The following MUC20 variants were observed in gnomAD, a reference collection of about 807,000 sequenced individuals.
MUC20 encodes mucin 20, cell surface associated, also known as mucin-20.
A neutral mutation model predicts 23.8 loss-of-function variants in MUC20; 14 were observed. The observed-to-expected ratio is 0.59, with a 90% confidence interval of 0.39 to 0.92. The LOEUF is 0.92. Ranked by LOEUF, MUC20 falls within the 40% of genes least tolerant of loss-of-function variation. The pLI, the probability that MUC20 is intolerant of heterozygous loss-of-function variation, is 0.00. For synonymous variants in MUC20, 166 were observed against 279.3 expected, an observed-to-expected ratio of 0.59 and a Z score of 4.04; for missense variants, 375 against 668.8, an observed-to-expected ratio of 0.56 and a Z score of 4.85.
At position 195,725,781 on chromosome 3, in the gene MUC20, A is replaced by C. The variant is rs550683791; in HGVS notation, c.1178A>C (p.His393Pro). 3 of 1,532,416 alleles carry C rather than the reference A, an allele frequency of 2.0e-6. No individual in the cohort carries two copies. The highest frequency in any genetic ancestry group is 2.3e-5 in the East Asian group (1 of 43,194). The allele number at this position is 1,532,416 out of a possible 1,614,324, so 94.9% of individuals were successfully genotyped here. The change falls in exon 2 of 4, where the codon CAT becomes CCT. Residue 393 changes from histidine to proline, a missense_variant. His to Pro is a moderately conservative substitution (Grantham distance 77). Coordinates refer to ENST00000447234, the MANE Select transcript of MUC20 (RefSeq NM_001282506.2). ...SESSASSDGPHPVITPSWSPG... is the reference protein window; with the variant it reads ...SESSASSDGPPPVITPSWSPG... The stretch of plus-strand genomic sequence containing the variant: ...AGCAGCGCCTCTTCCGACGGCCCCC[A>C]TCCAGTCATCACCCCCTCATGGTCC...
intron 3 of MUC20, chr3:195,729,962 T>A: frequency 1.7e-6 from 1 of 581,772 alleles, no homozygotes; most frequent in South Asian, 2.2e-5. Context: ...AACATGTGAC[T>A]CCTAGAGCCC....
intron 2 of MUC20, among the ~76,000 whole-genome samples, chr3:195,727,612 T>C (rs1195305186): frequency 6.6e-6 from 1 of 152,280 alleles, no homozygotes; most frequent in African/African-American, 2.4e-5. Flanking sequence ...AATACAAATA[T>C]TAATCACAAC....
At chr3:195,731,855 G>C (rs973170779) in intron 3 of MUC20, among the ~76,000 whole-genome samples, 3 of 152,268 alleles carry the variant, frequency 2.0e-5, no homozygotes, top group Non-Finnish European at 2.9e-5. Context: ...CCACTGTGAG[G>C]AGTTCCCTAA....
In MUC20 at chr3:195,726,425, C is replaced by T. The variant is rs3204353; in HGVS notation, c.1822C>T (p.Pro608Ser). 2 of 1,614,052 alleles carry T rather than the reference C, an allele frequency of 1.2e-6. No homozygotes were observed. Among genetic ancestry groups the T allele is most frequent in the Non-Finnish European group, 1.7e-6 (2 of 1,179,894 alleles). ...GPFPTSRDPLPSVPPTTTNSS... is the reference protein window; with the variant it reads ...GPFPTSRDPLSSVPPTTTNSS... ...CTTCCCCACCAGCAGGGACCCTCTTCCTTCTGTCCCTCCGACTACAACCAA... is the reference window on the plus strand; with the variant it reads ...CTTCCCCACCAGCAGGGACCCTCTTTCTTCTGTCCCTCCGACTACAACCAA... Residue 608 changes from proline (P) to serine (S), a missense_variant, in exon 2 of 4, where the codon CCT becomes TCT. Pro to Ser is a moderately conservative substitution (Grantham distance 74, BLOSUM62 -1). Transcript: ENST00000447234.
In MUC20 at chr3:195,729,727, G is replaced by T; in HGVS notation, c.2049G>T (p.Arg683Ser). The T allele has an allele frequency of 6.3e-7, 1 of 1,596,404 alleles. No homozygotes were observed. Among genetic ancestry groups the T allele is most frequent in the East Asian group, 2.3e-5 (1 of 44,258 alleles). The change falls in exon 3 of 4, where the codon AGG becomes AGT. Residue 683 changes from arginine to serine, a missense_variant. By Grantham distance (110) the Arg-to-Ser change is moderately radical. Around this residue, in one of 4 missense-constraint regions of MUC20, gnomAD observed 343 missense variants for 340.2 expected, o/e 1.01. Transcript: ENST00000447234. ...EDLTDPRVAE[R>S]LMQQLHRELH... ...TCACTGACCCCAGAGTGGCAGAAAG[G>T]CTGATGCAGCAGGTGAGTGGGCACT... is the stretch of plus-strand genomic sequence containing the variant.
At chr3:195,727,460 G>A (rs1355556142) in intron 2 of MUC20, among the ~76,000 whole-genome samples, 1 of 152,284 alleles carries the variant, frequency 6.6e-6, no homozygotes, top group Non-Finnish European at 1.5e-5. Flanking sequence ...ACTTCTCAGG[G>A]GAGAAGTTCA....
chr3:195,732,270 A>T (rs907388645), intron 3 of MUC20, among the ~76,000 whole-genome samples: 4 of 152,178 alleles, frequency 2.6e-5, no homozygotes, highest in Non-Finnish European at 5.9e-5. Context: ...CAGCCTCCCA[A>T]AGTGCTGGGA....
At position 195,722,223 on chromosome 3, in the gene MUC20, C is replaced by G. The variant is rs7641203; in HGVS notation, c.76+1140C>G. 1.0e-3 allele frequency: 816 copies of G among 789,128 alleles called. No individual in the cohort carries two copies. In the East Asian group the frequency reaches 0.031, roughly 30 times the overall value. The allele number at this position is 789,128 out of a possible 1,614,324, so 48.9% of individuals were successfully genotyped here. ...GATCGGCCCTGTTTTTACCACCCCC[C>G]ACCTCCACTGCTTTAAGGGTGAGGC... On this transcript the variant is annotated intron_variant, in intron 1 of 3. Transcript: ENST00000447234.
intron 2 of MUC20, among the ~76,000 whole-genome samples, 199 bp downstream of exon 2, chr3:195,726,771 G>A (rs1712733298): frequency 6.6e-6 from 1 of 152,264 alleles, no homozygotes; most frequent in African/African-American, 2.4e-5. Context: ...GGAAAGGGGT[G>A]GGGATGGAAG....
Position 195,733,525 on chromosome 3 carries a change from G to A in MUC20, c.*307G>A. On this transcript the variant is annotated 3_prime_UTR_variant, in exon 4 of 4. Coordinates refer to ENST00000447234, the MANE Select transcript of MUC20 (RefSeq NM_001282506.2). ...TCACCCATCTGTGTGCTTCCATCCTGCATTAAAATTCACTCAGTGTGGCCC... is the reference window on the plus strand; with the variant it reads ...TCACCCATCTGTGTGCTTCCATCCTACATTAAAATTCACTCAGTGTGGCCC... The A allele has an allele frequency of 7.5e-7, 1 of 1,331,754 alleles. No individual in the cohort carries two copies. Among genetic ancestry groups the A allele is most frequent in the Non-Finnish European group, 9.6e-7 (1 of 1,044,408 alleles). The allele number at this position is 1,331,754 out of a possible 1,614,324, so 82.5% of individuals were successfully genotyped here. A position where few individuals can be genotyped will look rare whatever the true frequency, so the allele number is the denominator to read the frequency against.
chr3:195,732,369 A>C (rs1429870001), intron 3 of MUC20, among the ~76,000 whole-genome samples: 3 of 143,992 alleles, frequency 2.1e-5, no homozygotes, highest in African/African-American at 7.7e-5. Flanking sequence ...CTTTTCTTTT[A>C]TTTTTCTTGA....
chr3:195,730,044 G>C (rs1713208735), intron 3 of MUC20: 1 of 335,112 alleles, frequency 3.0e-6, no homozygotes, highest in East Asian at 4.6e-5. Flanking sequence ...CTGATGGGAG[G>C]GTAGGTCGGA....
chr3:195,733,052 C>T lies in MUC20; in HGVS notation c.2062-98C>T, dbSNP rs114741088. The T allele has an allele frequency of 5.8e-4, 775 of 1,337,142 alleles. No individual in the cohort carries two copies. The African/African-American group carries it at 9.3e-3, about 16-fold the overall frequency. 82.8% of individuals were successfully genotyped at this position (1,337,142 alleles called of 1,614,324 possible). On this transcript the variant is annotated intron_variant, in intron 3 of 3. Coordinates refer to ENST00000447234, the MANE Select transcript of MUC20 (RefSeq NM_001282506.2). Reference sequence around the variant, plus strand: ...AGGCCCAGGAAGGGTTGCCGTCCTCCGCATGCACTCTGCCCCAGTGTCCCT... The same window carrying T: ...AGGCCCAGGAAGGGTTGCCGTCCTCTGCATGCACTCTGCCCCAGTGTCCCT...
At chr3:195,721,817 C>G (rs1712141653) in intron 1 of MUC20, 1 of 152,832 alleles carries the variant, frequency 6.5e-6, no homozygotes, top group Non-Finnish European at 1.5e-5. Context: ...CACCTGAGGT[C>G]AGGAGTTCGA....
In MUC20 at chr3:195,733,310, C is replaced by A; in HGVS notation, c.*92C>A. The A allele has an allele frequency of 3.2e-6, 5 of 1,545,456 alleles. No homozygotes were observed. The highest frequency in any genetic ancestry group is 4.4e-6 in the Non-Finnish European group (5 of 1,143,796). On this transcript the variant is annotated 3_prime_UTR_variant, in exon 4 of 4. Transcript: ENST00000447234. Reference sequence around the variant, plus strand: ...CCACCGACAGACTGCAGCTGCGTTACTGTGCTGAGAGGTACCCAGAAGGTT... The same window carrying A: ...CCACCGACAGACTGCAGCTGCGTTAATGTGCTGAGAGGTACCCAGAAGGTT...
At chr3:195,732,627 T>G (rs1713514409) in intron 3 of MUC20, among the ~76,000 whole-genome samples, 1 of 151,922 alleles carries the variant, frequency 6.6e-6, no homozygotes, top group African/African-American at 2.4e-5. Flanking sequence ...CCCAAAGCAC[T>G]GGGATTATTG....
At chr3:195,732,456 T>C (rs1223825628) in intron 3 of MUC20, among the ~76,000 whole-genome samples, 1 of 152,182 alleles carries the variant, frequency 6.6e-6, no homozygotes, top group Non-Finnish European at 1.5e-5. Flanking sequence ...ACCTCCCGGA[T>C]TCAAGCAATT....
Position 195,726,028 on chromosome 3 carries a change from A to G in MUC20, c.1425A>G (p.Thr475=), listed in dbSNP as rs1459485382. 6.2e-7 allele frequency: 1 copy of G among 1,613,918 alleles called. No homozygotes were observed. Among genetic ancestry groups the G allele is most frequent in the African/African-American group, 1.3e-5 (1 of 74,944 alleles). The change falls in exon 2 of 4, where the codon ACA becomes ACG. Residue 475 remains threonine (T), a synonymous_variant. Coordinates refer to ENST00000447234, the MANE Select transcript of MUC20 (RefSeq NM_001282506.2). ...CAAAACCACACATCACTGAGGTCACAGCCTCTGCCGAGACCCTGTCCACAG... is the reference window on the plus strand; with the variant it reads ...CAAAACCACACATCACTGAGGTCACGGCCTCTGCCGAGACCCTGTCCACAG... ...TEAKPHITEV[T]ASAETLSTAG... is the part of the protein sequence containing the mutation.
chr3:195,729,827 C>A, intron 3 of MUC20, 88 bp downstream of exon 3: 2 of 1,269,494 alleles, frequency 1.6e-6, no homozygotes, highest in Non-Finnish European at 2.2e-6. Flanking sequence ...CACAGAAGAG[C>A]AGCTACCGCG....
Sources: gnomAD v4.1 joint callset for allele counts (sites outside exome capture counted in the v4.1 genomes callset) on GRCh38, gnomAD v4.1.1 for gene constraint, gnomAD v4.1.1 regional missense constraint, MANE v1.5 for transcripts, NCBI Gene and HGNC (gene_info 2026-07-23, HGNC 2026-07-21) for gene names.